Variants in DMC1 observed in about 807,000 individuals in gnomAD.
DMC1 encodes the protein DNA meiotic recombinase 1.
A neutral mutation model predicts 50.1 loss-of-function variants in DMC1; 27 were observed. The ratio of observed to expected loss-of-function variants is 0.54; its 90% CI spans 0.40 to 0.74. DMC1 has a LOEUF of 0.74. DMC1 is among the 30% of genes least tolerant of loss of function. The probability of loss-of-function intolerance (pLI) is 0.00; values close to 1 mark genes in which losing one functional copy is unlikely to be tolerated. For missense variants in DMC1, 295 were observed against 420.2 expected (o/e 0.70, Z 2.60); for synonymous variants, 148 against 136.1 (o/e 1.09, Z -0.61).
intron 5 of DMC1, among the ~76,000 whole-genome samples, chr22:38,557,328 A>C (rs902689329): frequency 6.6e-6 from 1 of 151,232 alleles, no homozygotes; most frequent in Non-Finnish European, 1.5e-5. Context: ...AAAATTTAGA[A>C]TTAAGTGTAG....
chr22:38,516,231 C>G (rs2089975672), downstream of DMC1, among the ~76,000 whole-genome samples: 1 of 152,192 alleles, frequency 6.6e-6, no homozygotes, highest in East Asian at 1.9e-4. Context: ...CCACTGTTCT[C>G]CAAAGCAGGA....
chr22:38,568,349 A>C (rs1485523386), intron 1 of DMC1, 60 bp from the exon 2 acceptor site: 1 of 1,284,892 alleles, frequency 7.8e-7, no homozygotes, highest in African/African-American at 1.5e-5. Context: ...CTCTGATTTC[A>C]TTTCAAAGTC....
downstream of DMC1, among the ~76,000 whole-genome samples, chr22:38,516,029 A>G (rs1043221461): frequency 3.3e-5 from 5 of 152,086 alleles, no homozygotes; most frequent in African/African-American, 1.2e-4. Flanking sequence ...ACCTATGTCT[A>G]CACTCAAATG....
intron 8 of DMC1, among the ~76,000 whole-genome samples, chr22:38,546,958 C>CAA (rs1326842396): frequency 6.6e-6 from 1 of 152,008 alleles, no homozygotes; most frequent in East Asian, 1.9e-4. Flanking sequence ...TACAGCAAAA[C>CAA]AAAAATACAG....
intron 12 of DMC1, among the ~76,000 whole-genome samples, chr22:38,524,943 C>T (rs2090071436): frequency 1.3e-5 from 2 of 152,066 alleles, no homozygotes; most frequent in Admixed American, 1.3e-4. Flanking sequence ...TGCCCGTAAT[C>T]CCAGCTACTC....
At position 38,559,732 on chromosome 22, in the gene DMC1, C is replaced by T. The variant is rs995471591; in HGVS notation, c.326+2555G>A. Among the ~76,000 whole-genome samples, 4 of 152,132 alleles carry T rather than the reference C, an allele frequency of 2.6e-5. No homozygotes were observed. The South Asian group carries it at 8.3e-4, about 32-fold the overall frequency. Reference sequence around the variant, plus strand: ...CTAGTGAGAGATTAGATAATAAACACAAATAGGCCAGGCGCCGGTAGCTCA... The same window carrying T: ...CTAGTGAGAGATTAGATAATAAACATAAATAGGCCAGGCGCCGGTAGCTCA... On this transcript the variant is annotated intron_variant, in intron 5 of 13. Transcript: ENST00000216024.
chr22:38,559,774 A>G (rs1252457411), intron 5 of DMC1, among the ~76,000 whole-genome samples: 2 of 152,068 alleles, frequency 1.3e-5, no homozygotes, highest in Non-Finnish European at 2.9e-5. Flanking sequence ...TAATCCCAGC[A>G]CTTTGGGAGG....
rs1249468329 is a variant in DMC1, at chr22:38,537,625, T to C, written c.803A>G (p.Asn268Ser). Reference protein sequence around the residue: ...EEYNVAVFVTNQMTADPGATM... With the variant: ...EEYNVAVFVTSQMTADPGATM... Reference sequence around the variant, plus strand: ...TGCTCCTGGATCGGCAGTCATTTGATTGGTCACAAAAACAGCCACGTTATA... The same window carrying C: ...TGCTCCTGGATCGGCAGTCATTTGACTGGTCACAAAAACAGCCACGTTATA... Residue 268 changes from asparagine to serine, a missense_variant, in exon 12 of 14, where the codon AAT (asparagine) becomes AGT (serine). Asn to Ser is a conservative substitution (Grantham distance 46, BLOSUM62 1). Transcript: ENST00000216024. 3 of 1,614,100 alleles carry C rather than the reference T, an allele frequency of 1.9e-6. No individual in the cohort carries two copies. In the East Asian group the frequency reaches 6.7e-5, roughly 36 times the overall value.
rs201915622 is a variant in DMC1 at position 38,539,346 on chromosome 22, G to A, written c.561C>T (p.Asn187=). The change falls in exon 9 of 14, where the codon AAC becomes AAT. Residue 187 remains asparagine (N), a synonymous_variant. Transcript: ENST00000216024. ...FNVDHDAVLD[N]VLYARAYTSE... is the part of the protein sequence containing the mutation. Reference sequence around the variant, plus strand: ...TAGTATATGCACGTGCATAAAGTACGTTGTCCAGTACTGCATCATGGTCTA... The same window carrying A: ...TAGTATATGCACGTGCATAAAGTACATTGTCCAGTACTGCATCATGGTCTA... The A allele has an allele frequency of 1.1e-5, 17 of 1,613,856 alleles. No individual in the cohort carries two copies. The Admixed American group carries it at 1.5e-4, about 14-fold the overall frequency.
At chr22:38,538,149 A>G in intron 11 of DMC1, 146 bp downstream of exon 11, 1 of 710,324 alleles carries the variant, frequency 1.4e-6, no homozygotes, top group South Asian at 1.7e-5. Context: ...ATCTCAAAAA[A>G]CAAAAAAAAA....
chr22:38,550,192 T>A (rs1332901373), intron 7 of DMC1, among the ~76,000 whole-genome samples, 195 bp from the exon 8 acceptor site: 1 of 152,214 alleles, frequency 6.6e-6, no homozygotes, highest in African/African-American at 2.4e-5. Flanking sequence ...TCTGCCAGCA[T>A]AGTTGTTATT....
chr22:38,567,165 G>T (rs1337069769), intron 3 of DMC1, among the ~76,000 whole-genome samples: 1 of 151,880 alleles, frequency 6.6e-6, no homozygotes, highest in Non-Finnish European at 1.5e-5. Flanking sequence ...ATCACCAAAG[G>T]ACCAGGATTT....
chr22:38,539,276 C>T (rs1248989912), intron 9 of DMC1, 45 bp downstream of exon 9: 1 of 1,402,990 alleles, frequency 7.1e-7, no homozygotes, highest in East Asian at 2.3e-5. Context: ...ATCAGTGCTG[C>T]CAACCTTACA....
intron 12 of DMC1, among the ~76,000 whole-genome samples, chr22:38,537,121 G>A (rs2090222515): frequency 6.6e-6 from 1 of 152,108 alleles, no homozygotes; most frequent in Non-Finnish European, 1.5e-5. Context: ...CAAAGTGTTG[G>A]GATTACAGGC....
intron 12 of DMC1, among the ~76,000 whole-genome samples, chr22:38,537,184 T>C (rs979043887): frequency 6.6e-6 from 1 of 152,066 alleles, no homozygotes; most frequent in Non-Finnish European, 1.5e-5. Context: ...TGTGCCCACA[T>C]AAAGACTAAT....
At chr22:38,540,335 C>T (rs2090266835) in intron 8 of DMC1, among the ~76,000 whole-genome samples, 1 of 152,172 alleles carries the variant, frequency 6.6e-6, no homozygotes, top group Non-Finnish European at 1.5e-5. Context: ...CATGAGCCAC[C>T]ATGCCTAGCC....
At chr22:38,547,758 C>T (rs557048331) in intron 8 of DMC1, among the ~76,000 whole-genome samples, 32 of 151,950 alleles carry the variant, frequency 2.1e-4, no homozygotes, top group South Asian at 1.7e-3. Context: ...AGGCTGGTCT[C>T]GAACTCCTGA....
chr22:38,540,571 C>T (rs1277703748), intron 8 of DMC1, among the ~76,000 whole-genome samples: 1 of 152,098 alleles, frequency 6.6e-6, no homozygotes, highest in Non-Finnish European at 1.5e-5. Context: ...ATAGTGTTTA[C>T]ATAACACTGA....
intron 4 of DMC1, among the ~76,000 whole-genome samples, chr22:38,566,002 C>G (rs2090577212): frequency 6.6e-6 from 1 of 152,116 alleles, no homozygotes; most frequent in African/African-American, 2.4e-5. Context: ...GAAGGCCGAG[C>G]ATGGTGGCTC....
Sources: gnomAD v4.1 joint callset for allele counts (sites outside exome capture counted in the v4.1 genomes callset) on GRCh38, gnomAD v4.1.1 for gene constraint, MANE v1.5 for transcripts, NCBI Gene and HGNC (gene_info 2026-07-23, HGNC 2026-07-21) for gene names.